The following FBN2 variants were observed in gnomAD, a reference collection of about 807,000 sequenced individuals.
FBN2 encodes fibrillin 2, also known as fibrillin-2.
Under a neutral mutation model 355.6 loss-of-function variants are expected in FBN2, and 105 were observed. The ratio of observed to expected loss-of-function variants is 0.30; its 90% CI spans 0.25 to 0.35. The LOEUF (loss-of-function observed/expected upper bound fraction) is 0.35, where lower values mean the gene tolerates loss of function less well. Ranked by LOEUF, FBN2 falls within the 10% of genes least tolerant of loss-of-function variation. The pLI is 1.00. For missense variants in FBN2, 3,280 were observed against 3,758.7 expected (o/e 0.87, Z 3.33); for synonymous variants, 1,350 against 1,301.2 (o/e 1.04, Z -0.81).
intron 6 of FBN2, among the ~76,000 whole-genome samples, chr5:128,457,517 T>C (rs529325852): frequency 6.6e-6 from 1 of 152,222 alleles, no homozygotes; most frequent in East Asian, 1.9e-4. Context: ...TCTTCAAGGT[T>C]GAAATGAAGG....
rs115507704 is a variant in FBN2 at position 128,497,346 on chromosome 5, T to C, written c.628+21927A>G. Among the ~76,000 whole-genome samples the C allele has an allele frequency of 6.6e-3, 1,002 of 152,298 alleles. 10 individuals are homozygous for C. Among genetic ancestry groups the C allele is most frequent in the African/African-American group, 0.023 (948 of 41,570 alleles). ...GTGGATTACACTTTCTTGGGCCACT[T>C]TGAACTATGAGCTGAATTTCTAGGA... is the stretch of plus-strand genomic sequence containing the variant. On this transcript the variant is annotated intron_variant, in intron 5 of 64. Transcript: ENST00000262464.
At chr5:128,443,903 T>C (rs1340664302) in intron 7 of FBN2, among the ~76,000 whole-genome samples, 1 of 152,142 alleles carries the variant, frequency 6.6e-6, no homozygotes, top group Non-Finnish European at 1.5e-5. Context: ...ACATTACATT[T>C]ATGGCAAGAT....
At chr5:128,408,515 C>A (rs143110498) in intron 8 of FBN2, among the ~76,000 whole-genome samples, 159 bp downstream of exon 8, 192 of 152,224 alleles carry the variant, frequency 1.3e-3, no homozygotes, top group African/African-American at 4.5e-3. Flanking sequence ...GCAAAGAGTA[C>A]CTGGTCTATC....
intron 2 of FBN2, among the ~76,000 whole-genome samples, chr5:128,531,158 T>A (rs1180635414): frequency 2.6e-5 from 4 of 151,938 alleles, no homozygotes; most frequent in African/African-American, 9.7e-5. Context: ...ATATATATGG[T>A]GATATATATA....
At chr5:128,319,125 T>C (rs1485697407) in intron 34 of FBN2, 124 bp from the exon 35 acceptor site, 7 of 755,904 alleles carry the variant, frequency 9.3e-6, no homozygotes, top group African/African-American at 5.3e-5. Flanking sequence ...GCTTTTTTTT[T>C]CTCTTTTTTG....
intron 34 of FBN2, chr5:128,328,339 A>G (rs1312372129): frequency 5.8e-6 from 3 of 518,330 alleles, no homozygotes; most frequent in African/African-American, 5.7e-5. Context: ...GATAAACACA[A>G]TAAATAGTGG....
intron 5 of FBN2, among the ~76,000 whole-genome samples, chr5:128,476,879 G>C (rs185273029): frequency 1.3e-3 from 201 of 152,290 alleles, no homozygotes; most frequent in Admixed American, 3.9e-3. Flanking sequence ...GTCTTCCACA[G>C]TGTGAAAGTG....
intron 2 of FBN2, among the ~76,000 whole-genome samples, chr5:128,535,716 T>C (rs1019327498): frequency 6.6e-6 from 1 of 151,596 alleles, no homozygotes; most frequent in Admixed American, 6.6e-5. Flanking sequence ...AGGTCAGAGA[T>C]ACAGAATTTT....
At position 128,272,440 on chromosome 5, in the gene FBN2, A is replaced by G. The variant is rs75856965; in HGVS notation, c.7841-322T>C. Among the ~76,000 whole-genome samples the G allele has an allele frequency of 0.086, 12,338 of 143,008 alleles. 667 individuals are homozygous for G. The highest frequency in any genetic ancestry group is 0.12 in the Non-Finnish European group (8,109 of 66,714). 93.8% of individuals were successfully genotyped at this position (143,008 alleles called of 152,430 possible). A position where few individuals can be genotyped will look rare whatever the true frequency, so the allele number is the denominator to read the frequency against. On this transcript the variant is annotated intron_variant, in intron 61 of 64. Coordinates refer to ENST00000262464, the MANE Select transcript of FBN2 (RefSeq NM_001999.4). Reference sequence around the variant, plus strand: ...TACATTTTGAACTAATTAACTGCAAATGGTATGATTTATTTGGTAAATCAT... The same window carrying G: ...TACATTTTGAACTAATTAACTGCAAGTGGTATGATTTATTTGGTAAATCAT...
At chr5:128,481,203 C>T (rs1215912159) in intron 5 of FBN2, among the ~76,000 whole-genome samples, 3 of 151,972 alleles carry the variant, frequency 2.0e-5, no homozygotes, top group Non-Finnish European at 2.9e-5. Context: ...CCCTTTTTAC[C>T]TCACCAGGAA....
chr5:128,470,730 G>C (rs1236647777), intron 5 of FBN2, among the ~76,000 whole-genome samples: 2 of 152,182 alleles, frequency 1.3e-5, no homozygotes, highest in Non-Finnish European at 2.9e-5. Context: ...GGCCCTACTT[G>C]AGAAGGGAAA....
At chr5:128,449,410 A>AC (rs1224011592) in intron 6 of FBN2, among the ~76,000 whole-genome samples, 2 of 139,802 alleles carry the variant, frequency 1.4e-5, no homozygotes, top group Non-Finnish European at 3.1e-5. Flanking sequence ...GTATAATTAT[A>AC]TAGTATACTA....
intron 16 of FBN2, among the ~76,000 whole-genome samples, chr5:128,368,425 T>TATATATATATACATATATAC (rs1181857558): frequency 0.029 from 3,900 of 132,678 alleles, 157 homozygotes; most frequent in Middle Eastern, 0.044. Context: ...TGTGTGTATA[T>TATATATATATACATATATAC]ATATATATAC....
At chr5:128,446,298 T>C (rs1581303573) in intron 7 of FBN2, 183 bp downstream of exon 7, 1 of 574,852 alleles carries the variant, frequency 1.7e-6, no homozygotes, top group East Asian at 3.3e-5. Flanking sequence ...TTGACTCTTT[T>C]CAAATCAAAC....
chr5:128,300,831 C>T lies in FBN2; in HGVS notation c.6152G>A (p.Ser2051Asn). 1 of 1,614,028 alleles carries T rather than the reference C, an allele frequency of 6.2e-7. No individual in the cohort carries two copies. The highest frequency in any genetic ancestry group is 2.2e-5 in the East Asian group (1 of 44,856). The change falls in exon 48 of 65, where the codon AGC becomes AAC. Residue 2051 changes from serine (S) to asparagine (N), a missense_variant. This residue lies in a region of FBN2 where 2,284 missense variants were observed against 2,749.5 expected (regional missense o/e 0.83). Coordinates refer to ENST00000262464, the MANE Select transcript of FBN2 (RefSeq NM_001999.4). ...GTTACTCTTACCAATGCAGTTCTCG[C>T]TTTTTACTTCATACCCTGGGGGACA... is the stretch of plus-strand genomic sequence containing the variant. ...CICPPGYEVK[S>N]ENCIDINECD...
At chr5:128,351,357 G>A (rs1250007945) in intron 20 of FBN2, among the ~76,000 whole-genome samples, 1 of 152,096 alleles carries the variant, frequency 6.6e-6, no homozygotes, top group East Asian at 1.9e-4. Flanking sequence ...GACCAGCCTG[G>A]TCAACATGGT....
intron 60 of FBN2, among the ~76,000 whole-genome samples, 187 bp downstream of exon 60, chr5:128,274,379 CT>C (rs906765306): frequency 5.9e-5 from 9 of 151,984 alleles, no homozygotes; most frequent in African/African-American, 9.6e-5. Context: ...CTAAAAAGGC[CT>C]TTTTTTTCCC....
chr5:128,463,416 A>G (rs945605561), intron 6 of FBN2, among the ~76,000 whole-genome samples: 7 of 152,170 alleles, frequency 4.6e-5, no homozygotes, highest in African/African-American at 1.7e-4. Context: ...AACTATTCTA[A>G]GTCCACAGCT....
Position 128,446,507 on chromosome 5 carries a change from T to C in FBN2, c.926A>G (p.Gln309Arg), listed in dbSNP as rs777526281. 1.2e-6 allele frequency: 2 copies of C among 1,614,054 alleles called. No individual in the cohort carries two copies. The highest frequency in any genetic ancestry group is 1.3e-5 in the African/African-American group (1 of 75,056). Residue 309 changes from glutamine (Q) to arginine (R), a missense_variant, in exon 7 of 65, where the codon CAG (glutamine) becomes CGG (arginine). Physicochemically the swap from Gln to Arg is conservative, Grantham distance 43. Coordinates refer to ENST00000262464, the MANE Select transcript of FBN2 (RefSeq NM_001999.4). Reference protein sequence around the residue: ...FECRCPAGHKQSETTQKCEDI... With the variant: ...FECRCPAGHKRSETTQKCEDI... ...TTCACATTTCTGAGTAGTTTCACTC[T>C]GTTTGTGACCAGCAGGGCATCTGCA...
Sources: allele counts gnomAD v4.1 joint callset (sites outside exome capture counted in the v4.1 genomes callset), GRCh38; gene constraint gnomAD v4.1.1; regional missense constraint gnomAD v4.1.1; transcripts MANE v1.5; gene names NCBI Gene and HGNC (gene_info 2026-07-23, HGNC 2026-07-21).